Variants in WNK1 observed in about 807,000 individuals in gnomAD.
The protein encoded by WNK1 is WNK lysine deficient protein kinase 1.
WNK1 carries 38 observed loss-of-function variants against 222.8 expected under a neutral mutation model. The ratio of observed to expected loss-of-function variants is 0.17; its 90% CI spans 0.13 to 0.22. The LOEUF is 0.22. Ranked by LOEUF, WNK1 falls within the 10% of genes least tolerant of loss-of-function variation. The pLI, the probability that WNK1 is intolerant of heterozygous loss-of-function variation, is 1.00. For missense variants in WNK1, 2,348 were observed against 2,918.4 expected (o/e 0.80, Z 4.50); for synonymous variants, 1,090 against 1,092.9 (o/e 1.00, Z 0.05).
At chr12:906,456 G>A (rs1230100112) in intron 26 of WNK1, 15 of 985,156 alleles carry the variant, frequency 1.5e-5, no homozygotes, top group African/African-American at 1.7e-5. Context: ...TTTTCTTGTC[G>A]CTTCTACATG....
At chr12:868,644 C>A (rs906965970) in intron 8 of WNK1, 1 of 1,613,906 alleles carries the variant, frequency 6.2e-7, no homozygotes, top group African/African-American at 1.3e-5. Context: ...CATGTTCACA[C>A]ACCAAGCTCC....
At chr12:809,248 T>TC (rs1470160233) in intron 1 of WNK1, among the ~76,000 whole-genome samples, 2 of 150,004 alleles carry the variant, frequency 1.3e-5, no homozygotes, top group South Asian at 2.1e-4. Context: ...AAAAAATTTT[T>TC]TTTTTTTTTG....
rs1440474396 is a variant in WNK1, at chr12:897,473, T to C, written c.6246-6T>C. On this transcript the variant is annotated splice_region_variant and splice_polypyrimidine_tract_variant and intron_variant, in intron 24 of 27. Transcript: ENST00000315939. Reference sequence around the variant, plus strand: ...ATTTTGAATTATGTTTGGTTATCTTTCACAGACATCTCAAAGAGATTCAGG... The same window carrying C: ...ATTTTGAATTATGTTTGGTTATCTTCCACAGACATCTCAAAGAGATTCAGG... The C allele has an allele frequency of 4.1e-5, 63 of 1,548,148 alleles. No individual in the cohort carries two copies. The highest frequency in any genetic ancestry group is 5.5e-5 in the Non-Finnish European group (62 of 1,119,924).
At chr12:852,711 C>A (rs1950505518) in intron 4 of WNK1, among the ~76,000 whole-genome samples, 2 of 152,078 alleles carry the variant, frequency 1.3e-5, no homozygotes, top group Admixed American at 1.3e-4. Flanking sequence ...ATCTAGTTCA[C>A]CTTTCAAAAA....
At chr12:872,709 T>A (rs1224393801) in intron 9 of WNK1, among the ~76,000 whole-genome samples, 2 of 152,218 alleles carry the variant, frequency 1.3e-5, no homozygotes, top group Non-Finnish European at 2.9e-5. Flanking sequence ...GTGGGTTTTT[T>A]AATCAGCAAA....
chr12:862,323 C>G, intron 8 of WNK1, 53 bp downstream of exon 8: 1 of 1,582,464 alleles, frequency 6.3e-7, no homozygotes, highest in Non-Finnish European at 8.7e-7. Flanking sequence ...AATGGATAGT[C>G]TGCTAAATTA....
At chr12:787,289 A>G (rs1418960842) in intron 1 of WNK1, among the ~76,000 whole-genome samples, 1 of 151,980 alleles carries the variant, frequency 6.6e-6, no homozygotes, top group Non-Finnish European at 1.5e-5. Flanking sequence ...TTGTGCATCC[A>G]TTTCTTTTTT....
At chr12:809,779 A>G (rs561538916) in intron 1 of WNK1, among the ~76,000 whole-genome samples, 2 of 152,306 alleles carry the variant, frequency 1.3e-5, no homozygotes, top group East Asian at 3.9e-4. Flanking sequence ...ATAATTATTT[A>G]TATGCTTAAT....
intron 1 of WNK1, among the ~76,000 whole-genome samples, chr12:791,668 G>A (rs1404120215): frequency 6.6e-6 from 1 of 152,024 alleles, no homozygotes; most frequent in Non-Finnish European, 1.5e-5. Context: ...TTCACTTTGT[G>A]AAAGATATTG....
In WNK1 at chr12:908,861, G is replaced by GGGGGGGGGGGGGGGGGC; in HGVS notation, c.*69_*70insGGGGGGGGGGGGGGGGC. ...ATGCTGAGGGGGTGGGTGGGGGTGG[G>GGGGGGGGGGGGGGGGGC]AAGTAGCCTATATACTAACTACTAG... On this transcript the variant is annotated 3_prime_UTR_variant, in exon 28 of 28. Coordinates refer to ENST00000315939, the MANE Select transcript of WNK1 (RefSeq NM_018979.4). 1 of 491,846 alleles carries GGGGGGGGGGGGGGGGGC rather than the reference G, an allele frequency of 2.0e-6. No homozygotes were observed. The highest frequency in any genetic ancestry group is 6.0e-5 in the East Asian group (1 of 16,748). 30.5% of individuals were successfully genotyped at this position (491,846 alleles called of 1,614,324 possible). A position where few individuals can be genotyped will look rare whatever the true frequency, so the allele number is the denominator to read the frequency against.
At position 857,244 on chromosome 12, in the gene WNK1, T is replaced by C. The variant is rs372578594; in HGVS notation, c.1395T>C (p.Asp465=). Reference sequence around the variant, plus strand: ...AAGGATGCATACGACAAAACAAAGATGAAAGGTAAGTTGCCTCTTTTGATC... The same window carrying C: ...AAGGATGCATACGACAAAACAAAGACGAAAGGTAAGTTGCCTCTTTTGATC... The part of the protein sequence containing the change: ...IIEGCIRQNK[D]ERYSIKDLLN... Residue 465 remains aspartate, a synonymous_variant, in exon 5 of 28, where the codon GAT becomes GAC. Transcript: ENST00000315939. The C allele has an allele frequency of 1.9e-6, 3 of 1,614,112 alleles. No individual in the cohort carries two copies. The highest frequency in any genetic ancestry group is 2.5e-6 in the Non-Finnish European group (3 of 1,179,956).
At chr12:766,000 A>C (rs924371691) in intron 1 of WNK1, among the ~76,000 whole-genome samples, 8 of 152,220 alleles carry the variant, frequency 5.3e-5, no homozygotes, top group Non-Finnish European at 1.5e-5. Context: ...GTTACTCAAA[A>C]TATTTGGTGA....
intron 26 of WNK1, 80 bp from the exon 27 acceptor site, chr12:907,767 A>C: frequency 6.6e-7 from 1 of 1,520,702 alleles, no homozygotes; most frequent in Non-Finnish European, 9.1e-7. Flanking sequence ...CTTGCCATTC[A>C]TCATCCCGTG....
intron 1 of WNK1, among the ~76,000 whole-genome samples, chr12:794,012 A>T (rs1945081649): frequency 6.6e-6 from 1 of 152,202 alleles, no homozygotes; most frequent in Non-Finnish European, 1.5e-5. Flanking sequence ...GGAACCATAT[A>T]ATATGTGATC....
intron 1 of WNK1, among the ~76,000 whole-genome samples, chr12:756,818 T>C (rs1348956685): frequency 1.3e-5 from 2 of 152,222 alleles, no homozygotes; most frequent in Non-Finnish European, 2.9e-5. Context: ...CCTTTTAATA[T>C]ACATATATTT....
chr12:803,971 C>T (rs765739208), intron 1 of WNK1, among the ~76,000 whole-genome samples: 2 of 152,252 alleles, frequency 1.3e-5, no homozygotes, highest in South Asian at 4.1e-4. Context: ...TTTCTAGTTA[C>T]ACTTATCAAG....
chr12:880,714 G>T lies in WNK1; in HGVS notation c.2833-7G>T. ...GCTCTAACTCACCTTCCTCATTTCTGTCACAGGGCTTCCCACCTCGACTGC... is the reference window on the plus strand; with the variant it reads ...GCTCTAACTCACCTTCCTCATTTCTTTCACAGGGCTTCCCACCTCGACTGC... On this transcript the variant is annotated splice_region_variant and splice_polypyrimidine_tract_variant and intron_variant, in intron 11 of 27. Coordinates refer to ENST00000315939, the MANE Select transcript of WNK1 (RefSeq NM_018979.4). 2 of 1,609,028 alleles carry T rather than the reference G, an allele frequency of 1.2e-6. No homozygotes were observed. Among genetic ancestry groups the T allele is most frequent in the Non-Finnish European group, 1.7e-6 (2 of 1,179,154 alleles).
intron 2 of WNK1, among the ~76,000 whole-genome samples, chr12:820,614 C>G (rs1459493409): frequency 6.6e-6 from 1 of 151,646 alleles, no homozygotes; most frequent in Non-Finnish European, 1.5e-5. Flanking sequence ...AGCTGGGACT[C>G]CAGGTGTGTA....
At chr12:774,958 A>G (rs2153956529) in intron 1 of WNK1, among the ~76,000 whole-genome samples, 1 of 152,262 alleles carries the variant, frequency 6.6e-6, no homozygotes, top group Admixed American at 6.5e-5. Flanking sequence ...TTTAATGTCA[A>G]TAGTATATCA....
Sources: gnomAD v4.1 joint callset for allele counts (sites outside exome capture counted in the v4.1 genomes callset) on GRCh38, gnomAD v4.1.1 for gene constraint, MANE v1.5 for transcripts, NCBI Gene and HGNC (gene_info 2026-07-23, HGNC 2026-07-21) for gene names.